Variants in RIIAD1 observed in about 807,000 individuals in gnomAD.
RIIAD1 encodes regulatory subunit of type II PKA R-subunit domain containing 1.
Under a neutral mutation model 13.3 loss-of-function variants are expected in RIIAD1, and 15 were observed. That is an observed-to-expected ratio of 1.13 (90% CI 0.76 to 1.74). The LOEUF is 1.74. Among genes scored for constraint, RIIAD1 ranks in the 40% most tolerant of loss-of-function variants. The probability of loss-of-function intolerance (pLI) is 0.00; values close to 1 mark genes in which losing one functional copy is unlikely to be tolerated. For missense variants in RIIAD1, 121 were observed against 112.2 expected (o/e 1.08, Z -0.35); for synonymous variants, 50 against 43.3 (o/e 1.16, Z -0.61).
At chr1:151,716,024 G>A (rs1673452306) in intron 4 of RIIAD1, 2 of 1,609,490 alleles carry the variant, frequency 1.2e-6, no homozygotes, top group East Asian at 4.5e-5. Context: ...CCTTCATTGA[G>A]GCGGCCCAGG....
rs534251864 is a variant in RIIAD1, at chr1:151,723,077, A to G, written c.161+915A>G. ...CTCTGGACTGTGTGCTTATAGCCAG[A>G]GGTGGGCCCTCCCTTGTCTTCTCAA... On this transcript the variant is annotated intron_variant, in intron 2 of 4. Transcript: ENST00000479191. 7.2e-3 allele frequency among the ~76,000 whole-genome samples: 1,098 copies of G among 152,328 alleles called. 12 individuals are homozygous for G. The highest frequency in any genetic ancestry group is 0.013 in the Non-Finnish European group (884 of 68,026).
At chr1:151,727,192 C>T (rs1443365303) in intron 2 of RIIAD1, among the ~76,000 whole-genome samples, 1 of 152,154 alleles carries the variant, frequency 6.6e-6, no homozygotes, top group African/African-American at 2.4e-5. Context: ...ATGGGAGGAT[C>T]TCTTGAGCCA....
At chr1:151,714,535 C>A (rs967373177) in intron 4 of RIIAD1, 12 of 1,288,932 alleles carry the variant, frequency 9.3e-6, no homozygotes, top group Non-Finnish European at 1.3e-5. Context: ...GGGTGGTGAG[C>A]CTCCTGCCAC....
At chr1:151,714,898 A>G (rs1201245414) in intron 4 of RIIAD1, among the ~76,000 whole-genome samples, 2 of 152,038 alleles carry the variant, frequency 1.3e-5, no homozygotes, top group Non-Finnish European at 2.9e-5. Context: ...GAGGGAGGAC[A>G]CTTGGGCTGT....
chr1:151,724,904 A>G (rs896051753), intron 2 of RIIAD1, among the ~76,000 whole-genome samples: 1 of 150,554 alleles, frequency 6.6e-6, no homozygotes, highest in Non-Finnish European at 1.5e-5. Context: ...TATTCACGCC[A>G]TTCTCCTGCC....
At chr1:151,715,649 C>T (rs750743918) in intron 4 of RIIAD1, 21 of 1,503,752 alleles carry the variant, frequency 1.4e-5, no homozygotes, top group South Asian at 1.2e-4. Flanking sequence ...TCTTTGCAGC[C>T]GTCTTGACAA....
At chr1:151,715,994 C>G in intron 4 of RIIAD1, 1 of 1,613,848 alleles carries the variant, frequency 6.2e-7, no homozygotes, top group Non-Finnish European at 8.5e-7. Context: ...GCCCCACAAA[C>G]AGCTTGATGG....
upstream of RIIAD1, among the ~76,000 whole-genome samples, chr1:151,717,949 C>G (rs1673611577): frequency 6.6e-6 from 1 of 152,140 alleles, no homozygotes; most frequent in Admixed American, 6.5e-5. Flanking sequence ...GACATCAAAC[C>G]TTGTCAGTGG....
At chr1:151,725,097 C>T (rs1385271450) in intron 2 of RIIAD1, among the ~76,000 whole-genome samples, 6 of 138,612 alleles carry the variant, frequency 4.3e-5, no homozygotes, top group South Asian at 2.4e-4. Flanking sequence ...CATGAGCCAC[C>T]GCACCTCGCC....
In RIIAD1 at chr1:151,728,441, G is replaced by A. The variant is rs1233413604; in HGVS notation, c.209-325G>A. On this transcript the variant is annotated intron_variant, in intron 3 of 4. Coordinates refer to ENST00000479191, the MANE Select transcript of RIIAD1 (RefSeq NM_001144956.3). ...TGAGCCCTCTGATGGCTCTCTGTGC[G>A]TCAGCAGGCGGAGGAGCAAACGGTG... The A allele has an allele frequency of 1.2e-5, 4 of 341,290 alleles. No homozygotes were observed. The East Asian group carries it at 2.0e-4, about 17-fold the overall frequency. 21.1% of individuals were successfully genotyped at this position (341,290 alleles called of 1,614,324 possible).
upstream of RIIAD1, chr1:151,721,474 AGGGCGGGGCCGG>A: frequency 9.9e-7 from 1 of 1,010,206 alleles, no homozygotes; most frequent in Non-Finnish European, 1.3e-6. Flanking sequence ...GCTTGGGGGC[AGGGCGGGGCCGG>A]GGGCGGGGCC....
At chr1:151,714,692 G>A (rs1411963393) in intron 4 of RIIAD1, 1 of 1,547,736 alleles carries the variant, frequency 6.5e-7, no homozygotes, top group Non-Finnish European at 8.8e-7. Flanking sequence ...GAGGGGCAGG[G>A]GCAGAGAAAC....
At chr1:151,721,698 A>G in intron 1 of RIIAD1, 78 bp downstream of exon 1, 1 of 812,894 alleles carries the variant, frequency 1.2e-6, no homozygotes, top group Non-Finnish European at 1.7e-6. Flanking sequence ...CTGGGAAGAG[A>G]GCCGCCGAGA....
chr1:151,722,045 C>A, intron 1 of RIIAD1, 41 bp from the exon 2 acceptor site: 1 of 1,396,652 alleles, frequency 7.2e-7, no homozygotes, highest in Non-Finnish European at 9.9e-7. Flanking sequence ...AACCCTGAAT[C>A]TGTCTCCTAA....
upstream of RIIAD1, chr1:151,721,510 GCC>G: frequency 7.8e-7 from 1 of 1,286,802 alleles, no homozygotes; most frequent in Non-Finnish European, 9.9e-7. Flanking sequence ...CCGGCTCGCG[GCC>G]GGTCGCCTTG....
rs1673735270 is a variant in RIIAD1, at chr1:151,721,551, A to G, written c.15A>G (p.Pro5=). 7.5e-7 allele frequency: 1 copy of G among 1,330,696 alleles called. No homozygotes were observed. The highest frequency in any genetic ancestry group is 9.6e-7 in the Non-Finnish European group (1 of 1,039,166). The allele number at this position is 1,330,696 out of a possible 1,614,324, so 82.4% of individuals were successfully genotyped here. A position where few individuals can be genotyped will look rare whatever the true frequency, so the allele number is the denominator to read the frequency against. ...ACCGCAGCAAGATGGAGACGCTGCC[A>G]GGCTTGCTGCAGCGGCCCGACCCCG... METL[P]GLLQRPDPGA... Residue 5 remains proline, a synonymous_variant, in exon 1 of 5, where the codon CCA becomes CCG. Coordinates refer to ENST00000479191, the MANE Select transcript of RIIAD1 (RefSeq NM_001144956.3).
At chr1:151,714,165 C>T (rs1673260957) in intron 3 of RIIAD1, among the ~76,000 whole-genome samples, 1 of 152,142 alleles carries the variant, frequency 6.6e-6, no homozygotes, top group African/African-American at 2.4e-5. Flanking sequence ...GCACCAGCTG[C>T]CTGTTCTCTG....
chr1:151,715,534 AC>A, intron 4 of RIIAD1: 5 of 1,064,176 alleles, frequency 4.7e-6, no homozygotes, highest in Non-Finnish European at 6.5e-6. Context: ...ACACACACAC[AC>A]ACCCCTACCC....
upstream of RIIAD1, among the ~76,000 whole-genome samples, chr1:151,717,134 G>C (rs1235599237): frequency 6.6e-6 from 1 of 152,116 alleles, no homozygotes; most frequent in South Asian, 2.1e-4. Flanking sequence ...CTCAGCAGAT[G>C]GGGGGTGGCG....
Sources: gnomAD v4.1 joint callset for allele counts (sites outside exome capture counted in the v4.1 genomes callset) on GRCh38, gnomAD v4.1.1 for gene constraint, MANE v1.5 for transcripts, NCBI Gene and HGNC (gene_info 2026-07-23, HGNC 2026-07-21) for gene names.